Variants in SMAD2 observed in about 807,000 individuals in gnomAD.
SMAD2 encodes the protein MAD homolog 2.
In SMAD2, 8 loss-of-function variants were observed where a neutral mutation model predicts 64.4. That is an observed-to-expected ratio of 0.12 (90% CI 0.07 to 0.22). The LOEUF (loss-of-function observed/expected upper bound fraction) is 0.22, where lower values mean the gene tolerates loss of function less well. Among genes scored for constraint, SMAD2 ranks in the 10% least tolerant of loss-of-function variants. SMAD2 has a pLI of 1.00. For synonymous variants in SMAD2, 203 were observed against 195.8 expected, an observed-to-expected ratio of 1.04 and a Z score of -0.31; for missense variants, 289 against 561.2, an observed-to-expected ratio of 0.51 and a Z score of 4.90.
intron 1 of SMAD2, among the ~76,000 whole-genome samples, chr18:47,900,322 G>T (rs1257773931): frequency 2.0e-5 from 3 of 151,972 alleles, no homozygotes; most frequent in Non-Finnish European, 4.4e-5. Context: ...GCTACACAAA[G>T]GTGCTGCCTA....
rs535480996 is a variant in SMAD2 at position 47,833,076 on chromosome 18, T to C, written c.*8751A>G. On this transcript the variant is annotated 3_prime_UTR_variant, in exon 11 of 11. Transcript: ENST00000262160. ...TCAGTTTAAATAAAAATTAAAACAA[T>C]TAAAAATTAGTCCCATAGTAACATG... 175 of 185,086 alleles carry C rather than the reference T, an allele frequency of 9.5e-4. 5 individuals carry two copies. The Admixed American group carries it at 1.0e-2, about 11-fold the overall frequency. The allele number at this position is 185,086 out of a possible 1,614,324, so 11.5% of individuals were successfully genotyped here. A position where few individuals can be genotyped will look rare whatever the true frequency, so the allele number is the denominator to read the frequency against.
At chr18:47,918,394 T>C (rs546735377) in intron 1 of SMAD2, among the ~76,000 whole-genome samples, 33 of 152,182 alleles carry the variant, frequency 2.2e-4, no homozygotes, top group Non-Finnish European at 4.1e-4. Flanking sequence ...CTAGGGTACC[T>C]GACCGACCCA....
intron 1 of SMAD2, among the ~76,000 whole-genome samples, chr18:47,898,230 T>C (rs1349207590): frequency 6.6e-6 from 1 of 152,170 alleles, no homozygotes; most frequent in African/African-American, 2.4e-5. Flanking sequence ...GGTGAAAAGG[T>C]CAAATGTGAC....
At chr18:47,891,227 C>T (rs1463174754) in intron 2 of SMAD2, among the ~76,000 whole-genome samples, 1 of 152,156 alleles carries the variant, frequency 6.6e-6, no homozygotes, top group Non-Finnish European at 1.5e-5. Context: ...ATCGCTTGAA[C>T]CTGGGAGGCG....
chr18:47,890,191 G>A (rs529496191), intron 2 of SMAD2, among the ~76,000 whole-genome samples: 10 of 152,296 alleles, frequency 6.6e-5, no homozygotes, highest in African/African-American at 2.2e-4. Flanking sequence ...TGTGTTTCAC[G>A]TGATACTTGA....
At chr18:47,909,790 GT>G (rs2034049446) in intron 1 of SMAD2, among the ~76,000 whole-genome samples, 1 of 152,160 alleles carries the variant, frequency 6.6e-6, no homozygotes, top group Non-Finnish European at 1.5e-5. Context: ...GCCTTTTAAA[GT>G]TCTTTTGACA....
At chr18:47,875,455 C>G (rs1290626796) in intron 2 of SMAD2, among the ~76,000 whole-genome samples, 1 of 152,002 alleles carries the variant, frequency 6.6e-6, no homozygotes, top group Non-Finnish European at 1.5e-5. Context: ...CTAAATAACA[C>G]TGGGGAAAAA....
At chr18:47,856,238 T>A (rs775450161) in intron 6 of SMAD2, among the ~76,000 whole-genome samples, 8 of 151,986 alleles carry the variant, frequency 5.3e-5, no homozygotes, top group Non-Finnish European at 1.2e-4. Flanking sequence ...GGTATAAAGT[T>A]GCAGATATGT....
intron 1 of SMAD2, among the ~76,000 whole-genome samples, chr18:47,928,859 T>C (rs1167159485): frequency 1.3e-5 from 2 of 152,216 alleles, no homozygotes; most frequent in Non-Finnish European, 2.9e-5. Flanking sequence ...GTGAACAGCC[T>C]TGAACTCAAT....
At chr18:47,846,784 C>T (rs1193516380) in intron 8 of SMAD2, among the ~76,000 whole-genome samples, 2 of 152,138 alleles carry the variant, frequency 1.3e-5, no homozygotes, top group Non-Finnish European at 2.9e-5. Context: ...AAAAGACCGC[C>T]TAACCCATGT....
At chr18:47,929,611 A>G (rs904618729) in intron 1 of SMAD2, among the ~76,000 whole-genome samples, 6 of 152,330 alleles carry the variant, frequency 3.9e-5, no homozygotes, top group African/African-American at 1.4e-4. Context: ...GGTATGGTTG[A>G]CAACACACTG....
At position 47,819,172 on chromosome 18, in the gene SMAD2, A is replaced by G. The variant is rs1912476701; in HGVS notation, c.*22655T>C. Reference sequence around the variant, plus strand: ...TAAACATCTGATAAGCTGGTTTTAAAATAATTGGTAAATCAAAAATAAGTG... The same window carrying G: ...TAAACATCTGATAAGCTGGTTTTAAGATAATTGGTAAATCAAAAATAAGTG... On this transcript the variant is annotated 3_prime_UTR_variant, in exon 11 of 11. Transcript: ENST00000262160. The G allele has an allele frequency of 6.6e-6, 1 of 152,250 alleles. No individual in the cohort carries two copies. The highest frequency in any genetic ancestry group is 1.5e-5 in the Non-Finnish European group (1 of 68,044). 9.4% of individuals were successfully genotyped at this position (152,250 alleles called of 1,614,324 possible).
At chr18:47,919,842 A>AC (rs2034494085) in intron 1 of SMAD2, among the ~76,000 whole-genome samples, 1 of 152,222 alleles carries the variant, frequency 6.6e-6, no homozygotes, top group Admixed American at 6.5e-5. Context: ...ACAACGCAAA[A>AC]GAAAAAAATT....
intron 6 of SMAD2, among the ~76,000 whole-genome samples, chr18:47,860,115 C>T (rs1045779742): frequency 5.3e-5 from 8 of 151,966 alleles, no homozygotes; most frequent in Non-Finnish European, 8.8e-5. Context: ...GCCTGGGCAA[C>T]GAAGTGAGAT....
rs1014747998 is a variant in SMAD2 at position 47,828,904 on chromosome 18, C to T, written c.*12923G>A. 9 of 125,448 alleles carry T rather than the reference C, an allele frequency of 7.2e-5. No individual in the cohort carries two copies. Among genetic ancestry groups the T allele is most frequent in the African/African-American group, 2.5e-4 (8 of 32,134 alleles). 7.8% of individuals were successfully genotyped at this position (125,448 alleles called of 1,614,324 possible). ...TATGACCCTGCCACATCCCCCTCTC[C>T]GAGAAACACCCAAGAATGATCAATA... On this transcript the variant is annotated 3_prime_UTR_variant, in exon 11 of 11. Coordinates refer to ENST00000262160, the MANE Select transcript of SMAD2 (RefSeq NM_005901.6).
intron 2 of SMAD2, among the ~76,000 whole-genome samples, chr18:47,874,571 A>G (rs931960865): frequency 7.2e-5 from 11 of 152,196 alleles, no homozygotes; most frequent in African/African-American, 2.4e-4. Flanking sequence ...GAATGCAAAG[A>G]AAAGTAAAAA....
At position 47,868,337 on chromosome 18, in the gene SMAD2, C is replaced by A. The variant is rs2144372770; in HGVS notation, c.641G>T (p.Ser214Ile). The stretch of plus-strand genomic sequence containing the variant: ...GGCAAAAATACCTGGAATATAATTA[C>A]TCTGTGGCTCAATTCCTGCTGGGAA... ...TNFPAGIEPQ[S>I]NYIPETPPPG... Residue 214 changes from serine to isoleucine, a missense_variant, in exon 5 of 11, where the codon AGT becomes ATT. This residue lies in a region of SMAD2 where 119 missense variants were observed against 156.7 expected (regional missense o/e 0.76). Coordinates refer to ENST00000262160, the MANE Select transcript of SMAD2 (RefSeq NM_005901.6). 1 of 1,613,078 alleles carries A rather than the reference C, an allele frequency of 6.2e-7. No individual in the cohort carries two copies. The highest frequency in any genetic ancestry group is 1.1e-5 in the South Asian group (1 of 91,048).
chr18:47,892,496 AGTTAT>A (rs2033244936), intron 2 of SMAD2, among the ~76,000 whole-genome samples: 1 of 152,082 alleles, frequency 6.6e-6, no homozygotes. Context: ...CACCATGCCT[AGTTAT>A]GTTTTTGTGG....
At chr18:47,868,500 G>C (rs779614246) in intron 4 of SMAD2, 43 bp from the exon 5 acceptor site, 8 of 1,559,966 alleles carry the variant, frequency 5.1e-6, no homozygotes, top group Non-Finnish European at 7.0e-6. Context: ...AAAGAGCAAA[G>C]GGGAGTGGGG....
Sources: allele counts gnomAD v4.1 joint callset (sites outside exome capture counted in the v4.1 genomes callset), GRCh38; gene constraint gnomAD v4.1.1; regional missense constraint gnomAD v4.1.1; transcripts MANE v1.5; gene names NCBI Gene and HGNC (gene_info 2026-07-23, HGNC 2026-07-21).